MARF1: variants seen among roughly 807,000 people sequenced by gnomAD.
MARF1 encodes limkain-b1.
MARF1 carries 24 observed loss-of-function variants against 168.2 expected under a neutral mutation model. That is an observed-to-expected ratio of 0.14 (90% confidence interval 0.10 to 0.20). The LOEUF is 0.20. Ranked by LOEUF, MARF1 falls within the 10% of genes least tolerant of loss-of-function variation. MARF1 has a pLI of 1.00. For missense variants in MARF1, 1,744 were observed against 2,143.6 expected, an observed-to-expected ratio of 0.81 and a Z score of 3.68; for synonymous variants, 868 against 822.4, an observed-to-expected ratio of 1.06 and a Z score of -0.95.
At chr16:15,603,582 A>C (rs1452764513) in intron 22 of MARF1, among the ~76,000 whole-genome samples, 1 of 151,950 alleles carries the variant, frequency 6.6e-6, no homozygotes, top group African/African-American at 2.4e-5. Flanking sequence ...TATTTCAGTG[A>C]TCTTTTATAG....
rs1313848074 is a variant in MARF1 at position 15,635,980 on chromosome 16, C to G, written c.507G>C (p.Leu169Phe). ...SLQNASARNN[L>F]AGIASDFPSM... ...TGGGAAAGTCACTTGCAATGCCTGCCAAATTGTTCCTAGCTGAGGCATTCT... is the reference window on the plus strand; with the variant it reads ...TGGGAAAGTCACTTGCAATGCCTGCGAAATTGTTCCTAGCTGAGGCATTCT... Residue 169 changes from leucine (L) to phenylalanine (F), a missense_variant, in exon 3 of 27, where the codon TTG becomes TTC. By Grantham distance (22) the Leu-to-Phe change is conservative. Coordinates refer to ENST00000396368, the MANE Select transcript of MARF1 (RefSeq NM_014647.4). The G allele has an allele frequency of 1.2e-6, 2 of 1,614,144 alleles. No homozygotes were observed. Among genetic ancestry groups the G allele is most frequent in the Non-Finnish European group, 1.7e-6 (2 of 1,180,044 alleles).
chr16:15,611,546 T>C, intron 18 of MARF1, 46 bp downstream of exon 18: 1 of 1,563,450 alleles, frequency 6.4e-7, no homozygotes, highest in South Asian at 1.2e-5. Flanking sequence ...GAAGATAAAA[T>C]GTCCTAAAAT....
chr16:15,627,472 GC>G (rs2034948678), intron 7 of MARF1, among the ~76,000 whole-genome samples: 1 of 152,146 alleles, frequency 6.6e-6, no homozygotes, highest in African/African-American at 2.4e-5. Context: ...TACAAAATTA[GC>G]CAGGCGTGGT....
Position 15,639,130 on chromosome 16 carries a change from A to C in MARF1, c.104T>G (p.Phe35Cys), listed in dbSNP as rs933380115. ...KPWLWKFSNCFSRPEQTLPHS... is the reference protein window; with the variant it reads ...KPWLWKFSNCCSRPEQTLPHS... Reference sequence around the variant, plus strand: ...TGGCAGCGTCTGCTCAGGACGAGAAAAGCAATTAGAGAATTTCCAAAGCCA... The same window carrying C: ...TGGCAGCGTCTGCTCAGGACGAGAACAGCAATTAGAGAATTTCCAAAGCCA... Residue 35 changes from phenylalanine to cysteine, a missense_variant, in exon 2 of 27, where the codon TTT becomes TGT. By Grantham distance (205) the Phe-to-Cys change is radical. Transcript: ENST00000396368. The C allele has an allele frequency of 1.2e-6, 2 of 1,614,202 alleles. No individual in the cohort carries two copies. The highest frequency in any genetic ancestry group is 1.7e-6 in the Non-Finnish European group (2 of 1,180,040).
At chr16:15,617,969 A>G (rs1328548317) in intron 13 of MARF1, among the ~76,000 whole-genome samples, 1 of 152,044 alleles carries the variant, frequency 6.6e-6, no homozygotes, top group Non-Finnish European at 1.5e-5. Flanking sequence ...ACCCTCTGAC[A>G]CTGGACTCCC....
At chr16:15,636,567 CT>C (rs889499110) in intron 2 of MARF1, among the ~76,000 whole-genome samples, 3 of 152,164 alleles carry the variant, frequency 2.0e-5, no homozygotes, top group African/African-American at 7.2e-5. Context: ...AGACTACATT[CT>C]TCCTGAATTG....
chr16:15,637,047 C>T (rs1374877817), intron 2 of MARF1, among the ~76,000 whole-genome samples: 4 of 152,194 alleles, frequency 2.6e-5, no homozygotes, highest in African/African-American at 9.7e-5. Flanking sequence ...CAGTATATTA[C>T]AAAGGTTCTG....
At chr16:15,609,452 G>C in intron 20 of MARF1, 71 bp downstream of exon 20, 1 of 1,307,546 alleles carries the variant, frequency 7.6e-7, no homozygotes, top group Non-Finnish European at 1.1e-6. Context: ...AAACAGGTCT[G>C]GAACGTGAAA....
intron 22 of MARF1, among the ~76,000 whole-genome samples, chr16:15,602,921 A>G (rs2032649793): frequency 6.6e-6 from 1 of 152,220 alleles, no homozygotes; most frequent in Non-Finnish European, 1.5e-5. Flanking sequence ...AAGCAACAAG[A>G]AACAAACACA....
At chr16:15,635,209 T>C in intron 3 of MARF1, 1 of 438,780 alleles carries the variant, frequency 2.3e-6, no homozygotes, top group South Asian at 4.8e-5. Flanking sequence ...CTCACACATA[T>C]TTTACATAAA....
At chr16:15,623,274 CTTTTTTTTT>C (rs71375044) in intron 10 of MARF1, 151 bp from the exon 11 acceptor site, 11 of 119,206 alleles carry the variant, frequency 9.2e-5, no homozygotes, top group Admixed American at 4.4e-4. Flanking sequence ...TGTTTTTAAT[CTTTTTTTTT>C]TTTTTTTTTT....
intron 17 of MARF1, 43 bp from the exon 18 acceptor site, chr16:15,611,777 G>T: frequency 6.4e-7 from 1 of 1,565,480 alleles, no homozygotes; most frequent in Non-Finnish European, 8.7e-7. Context: ...GACCTCAGCA[G>T]ACAGCGACTT....
intron 20 of MARF1, 62 bp from the exon 21 acceptor site, chr16:15,608,580 G>T: frequency 8.2e-7 from 1 of 1,213,608 alleles, no homozygotes; most frequent in Non-Finnish European, 1.2e-6. Context: ...TTACAGAATA[G>T]CAAAAAAAGT....
intron 21 of MARF1, 73 bp from the exon 22 acceptor site, chr16:15,604,471 T>G: frequency 3.0e-6 from 3 of 1,011,706 alleles, no homozygotes; most frequent in African/African-American, 1.6e-5. Flanking sequence ...CTCAGCTCAC[T>G]TCATTTTGGT....
At chr16:15,613,689 A>AAATAAATAAATAAATAAAT (rs10657514) in intron 16 of MARF1, among the ~76,000 whole-genome samples, 19 of 63,948 alleles carry the variant, frequency 3.0e-4, no homozygotes, top group Non-Finnish European at 4.8e-4. Flanking sequence ...ATAAATAAAT[A>AAATAAATAAATAAATAAAT]AAATAAAATA....
intron 4 of MARF1, among the ~76,000 whole-genome samples, chr16:15,634,470 C>T (rs2035454835): frequency 1.3e-5 from 2 of 152,138 alleles, no homozygotes; most frequent in South Asian, 4.1e-4. Context: ...AGTGTGATTT[C>T]CAACCTAAGG....
intron 25 of MARF1, among the ~76,000 whole-genome samples, chr16:15,600,049 C>A (rs2032247526): frequency 6.6e-6 from 1 of 152,182 alleles, no homozygotes; most frequent in Admixed American, 6.5e-5. Context: ...AATTTTCCAC[C>A]CACTGAGCCC....
chr16:15,631,514 A>T lies in MARF1; in HGVS notation c.1234-16T>A. The T allele has an allele frequency of 6.5e-7, 1 of 1,536,790 alleles. No individual in the cohort carries two copies. The highest frequency in any genetic ancestry group is 9.0e-7 in the Non-Finnish European group (1 of 1,112,630). On this transcript the variant is annotated splice_polypyrimidine_tract_variant and intron_variant, in intron 5 of 26. Transcript: ENST00000396368. ...CAACGGTTACCTGCATTAATTTATA[A>T]TAAGGGTGAATAAGCAGGAGCTGAG...
At chr16:15,626,048 CT>C in intron 7 of MARF1, among the ~76,000 whole-genome samples, 1 of 152,110 alleles carries the variant, frequency 6.6e-6, no homozygotes, top group African/African-American at 2.4e-5. Context: ...GGAGGATTAC[CT>C]GAGCCCAGGA....
Sources: allele counts gnomAD v4.1 joint callset (sites outside exome capture counted in the v4.1 genomes callset), GRCh38; gene constraint gnomAD v4.1.1; transcripts MANE v1.5; gene names NCBI Gene and HGNC (gene_info 2026-07-23, HGNC 2026-07-21).